CNTNAP2: variants seen among roughly 807,000 people sequenced by gnomAD.
CNTNAP2 encodes the protein contactin associated protein 2.
A neutral mutation model predicts 155.2 loss-of-function variants in CNTNAP2; 98 were observed. The ratio of observed to expected loss-of-function variants is 0.63; its 90% CI spans 0.54 to 0.75. CNTNAP2 has a LOEUF of 0.75. Among genes scored for constraint, CNTNAP2 ranks in the 30% least tolerant of loss-of-function variants. The pLI, the probability that CNTNAP2 is intolerant of heterozygous loss-of-function variation, is 0.00. For missense variants in CNTNAP2, 1,727 were observed against 1,688.1 expected, an observed-to-expected ratio of 1.02 and a Z score of -0.40; for synonymous variants, 651 against 631.2, an observed-to-expected ratio of 1.03 and a Z score of -0.47.
Position 146,980,722 on chromosome 7 carries a change from C to G in CNTNAP2, c.403-63185C>G, listed in dbSNP as rs187891975. On this transcript the variant is annotated intron_variant, in intron 3 of 23. Transcript: ENST00000361727. ...AGATCTAGCATGAACTGACCTATCA[C>G]CAAGGCAACTGCGCTAAACTATTCA... 2.0e-3 allele frequency among the ~76,000 whole-genome samples: 298 copies of G among 152,254 alleles called. 3 individuals are homozygous for G. Among genetic ancestry groups the G allele is most frequent in the African/African-American group, 6.4e-3 (264 of 41,562 alleles).
At chr7:147,390,733 A>G (rs1796699082) in intron 9 of CNTNAP2, among the ~76,000 whole-genome samples, 2 of 152,068 alleles carry the variant, frequency 1.3e-5, no homozygotes, top group Non-Finnish European at 1.5e-5. Flanking sequence ...CCTTGTTACT[A>G]CTGCAACATT....
chr7:146,552,637 T>C (rs936910280), intron 1 of CNTNAP2, among the ~76,000 whole-genome samples: 3 of 152,048 alleles, frequency 2.0e-5, no homozygotes, highest in Admixed American at 6.6e-5. Context: ...CCCTAACGAC[T>C]TTCCTTCTCT....
At chr7:146,990,596 T>G (rs1798192316) in intron 3 of CNTNAP2, among the ~76,000 whole-genome samples, 1 of 152,092 alleles carries the variant, frequency 6.6e-6, no homozygotes, top group Non-Finnish European at 1.5e-5. Context: ...TTCCAAGTAC[T>G]TTTCACAAAG....
At chr7:146,363,391 G>T (rs1028462887) in intron 1 of CNTNAP2, among the ~76,000 whole-genome samples, 14 of 152,098 alleles carry the variant, frequency 9.2e-5, no homozygotes, top group African/African-American at 3.4e-4. Context: ...TTGTGCATAA[G>T]CACCATAAAA....
chr7:147,939,422 G>C (rs915002503), intron 14 of CNTNAP2, among the ~76,000 whole-genome samples: 20 of 152,048 alleles, frequency 1.3e-4, no homozygotes, highest in Admixed American at 3.3e-4. Context: ...TCTGCCTCCC[G>C]GGTTCAAGCG....
At chr7:148,141,110 C>T (rs1452590065) in intron 16 of CNTNAP2, among the ~76,000 whole-genome samples, 3 of 152,212 alleles carry the variant, frequency 2.0e-5, no homozygotes, top group Non-Finnish European at 4.4e-5. Flanking sequence ...TTCTCTGTAA[C>T]AGAAGCATTG....
intron 11 of CNTNAP2, among the ~76,000 whole-genome samples, chr7:147,561,916 A>AAC (rs1800071433): frequency 6.6e-6 from 1 of 152,234 alleles, no homozygotes; most frequent in African/African-American, 2.4e-5. Flanking sequence ...TCTTTTCCCC[A>AAC]ACATAAAGTC....
intron 13 of CNTNAP2, among the ~76,000 whole-genome samples, chr7:147,829,590 A>G (rs376713648): frequency 2.0e-4 from 31 of 152,286 alleles, no homozygotes; most frequent in Non-Finnish European, 1.9e-4. Flanking sequence ...TGGAAGTTCT[A>G]AGTAAATTGA....
intron 1 of CNTNAP2, among the ~76,000 whole-genome samples, chr7:146,163,490 T>C (rs1346927312): frequency 2.3e-5 from 3 of 130,008 alleles, no homozygotes; most frequent in Non-Finnish European, 4.7e-5. Flanking sequence ...TATCTATCTA[T>C]ATCTATATCT....
chr7:147,631,764 A>G (rs1390309298), intron 12 of CNTNAP2, among the ~76,000 whole-genome samples: 1 of 152,212 alleles, frequency 6.6e-6, no homozygotes, highest in Non-Finnish European at 1.5e-5. Flanking sequence ...GTGCTGGGAT[A>G]ATTGGCAAGT....
chr7:146,728,161 T>G (rs773408001), intron 1 of CNTNAP2, among the ~76,000 whole-genome samples: 7 of 152,246 alleles, frequency 4.6e-5, no homozygotes, highest in Non-Finnish European at 8.8e-5. Flanking sequence ...TTGTACAAGA[T>G]GAATACGATT....
chr7:147,080,668 C>CAT (rs543132668), intron 4 of CNTNAP2, among the ~76,000 whole-genome samples: 8 of 144,538 alleles, frequency 5.5e-5, no homozygotes, highest in South Asian at 2.1e-4. Flanking sequence ...ATGTATATGA[C>CAT]ATATATATAA....
chr7:146,953,341 C>G (rs892884144), intron 3 of CNTNAP2, among the ~76,000 whole-genome samples: 1 of 151,918 alleles, frequency 6.6e-6, no homozygotes, highest in African/African-American at 2.4e-5. Flanking sequence ...GTGTATGTCA[C>G]TAGTTCTGCA....
intron 8 of CNTNAP2, among the ~76,000 whole-genome samples, chr7:147,138,059 T>C (rs1429769079): frequency 6.6e-6 from 1 of 151,922 alleles, no homozygotes; most frequent in East Asian, 1.9e-4. Flanking sequence ...CACCATACTT[T>C]TACAAAATAA....
At chr7:147,468,998 T>A (rs1798166725) in intron 10 of CNTNAP2, among the ~76,000 whole-genome samples, 1 of 152,014 alleles carries the variant, frequency 6.6e-6, no homozygotes, top group Admixed American at 6.5e-5. Context: ...GATTTTTGTA[T>A]TTTTAGTAGA....
At chr7:146,530,039 CT>C (rs1230641893) in intron 1 of CNTNAP2, among the ~76,000 whole-genome samples, 1 of 152,076 alleles carries the variant, frequency 6.6e-6, no homozygotes, top group Non-Finnish European at 1.5e-5. Flanking sequence ...GGAAATTCCT[CT>C]TGTAAAACAA....
chr7:148,006,051 G>GA (rs1294048594), intron 15 of CNTNAP2, among the ~76,000 whole-genome samples: 5 of 151,216 alleles, frequency 3.3e-5, no homozygotes, highest in African/African-American at 7.3e-5. Context: ...CGTGATCTTA[G>GA]AAAAAAAATG....
chr7:147,174,300 T>A (rs1802291286), intron 8 of CNTNAP2, among the ~76,000 whole-genome samples: 1 of 152,188 alleles, frequency 6.6e-6, no homozygotes, highest in African/African-American at 2.4e-5. Flanking sequence ...TACCTTTTAA[T>A]AAAATGAATG....
At chr7:147,412,012 C>T (rs1797111327) in intron 10 of CNTNAP2, among the ~76,000 whole-genome samples, 1 of 152,118 alleles carries the variant, frequency 6.6e-6, no homozygotes, top group South Asian at 2.1e-4. Context: ...ATATAGTTAT[C>T]AAACTTCAGG....
Sources: allele counts gnomAD v4.1 joint callset (sites outside exome capture counted in the v4.1 genomes callset), GRCh38; gene constraint gnomAD v4.1.1; transcripts MANE v1.5; gene names NCBI Gene and HGNC (gene_info 2026-07-23, HGNC 2026-07-21).